Variants in SLX9 observed in about 807,000 individuals in gnomAD.
SLX9 encodes the protein SLX9 ribosome biogenesis factor, also known as ribosome biogenesis protein SLX9 homolog.
SLX9 carries 19 observed loss-of-function variants against 20.8 expected under a neutral mutation model. That is an observed-to-expected ratio of 0.91 (90% confidence interval 0.64 to 1.34). The LOEUF is 1.34. SLX9 is among the 40% of genes most tolerant of loss of function. The pLI is 0.00. For synonymous variants in SLX9, 113 were observed against 137.1 expected (o/e 0.82, Z 1.23); for missense variants, 299 against 322.2 (o/e 0.93, Z 0.55).
intron 3 of SLX9, among the ~76,000 whole-genome samples, chr21:44,964,739 C>G (rs566687017): frequency 6.6e-5 from 10 of 152,348 alleles, no homozygotes; most frequent in African/African-American, 2.4e-4. Context: ...TCCTCGAACA[C>G]TCGATATTAT....
chr21:44,949,074 C>T (rs993850174), intron 2 of SLX9, among the ~76,000 whole-genome samples: 2 of 152,204 alleles, frequency 1.3e-5, no homozygotes, highest in Admixed American at 1.3e-4. Flanking sequence ...CAGCCCCAAC[C>T]CCCCTTTGAG....
rs552475728 is a variant in SLX9 at position 44,973,392 on chromosome 21, A to T, written c.569+127A>T. 1.7e-3 allele frequency: 818 copies of T among 488,468 alleles called. 6 individuals carry two copies. Among genetic ancestry groups the T allele is most frequent in the African/African-American group, 8.7e-3 (240 of 27,464 alleles). 30.3% of individuals were successfully genotyped at this position (488,468 alleles called of 1,614,324 possible). A position where few individuals can be genotyped will look rare whatever the true frequency, so the allele number is the denominator to read the frequency against. ...ACCCTCTCCAGGGGTTCAGCTCCTG[A>T]GTGCCCTCACCCCGCCCACCCTCTC... On this transcript the variant is annotated intron_variant, in intron 5 of 5. Coordinates refer to ENST00000291634, the MANE Select transcript of SLX9 (RefSeq NM_058190.4).
chr21:44,969,375 G>A, intron 4 of SLX9: 2 of 380,968 alleles, frequency 5.2e-6, no homozygotes, highest in South Asian at 3.9e-5. Flanking sequence ...TCTGAAAAAT[G>A]TGCTTGGCGC....
At chr21:44,962,394 T>C (rs576450283) in intron 3 of SLX9, among the ~76,000 whole-genome samples, 35 of 152,346 alleles carry the variant, frequency 2.3e-4, no homozygotes, top group Non-Finnish European at 4.7e-4. Flanking sequence ...GAGCTTTTCT[T>C]GCCTTAGACT....
chr21:44,955,722 C>T (rs556277127), intron 2 of SLX9, among the ~76,000 whole-genome samples: 1 of 152,328 alleles, frequency 6.6e-6, no homozygotes, highest in African/African-American at 2.4e-5. Context: ...GCCCCTGCTG[C>T]TTCCCTGGGC....
rs550867925 is a variant in SLX9 at position 44,951,061 on chromosome 21, C to T, written c.283+7224C>T. Among the ~76,000 whole-genome samples, 5 of 152,196 alleles carry T rather than the reference C, an allele frequency of 3.3e-5. No homozygotes were observed. In the East Asian group the frequency reaches 7.7e-4, roughly 23 times the overall value. On this transcript the variant is annotated intron_variant, in intron 2 of 5. Coordinates refer to ENST00000291634, the MANE Select transcript of SLX9 (RefSeq NM_058190.4). ...GGCTAAGCCTTCATCGGATTAAAGT[C>T]GCCGGTTTGATTTAAAGGCCTTAAA...
chr21:44,955,207 C>CAG, intron 2 of SLX9, among the ~76,000 whole-genome samples: 1 of 138,760 alleles, frequency 7.2e-6, no homozygotes, highest in Admixed American at 7.1e-5. Context: ...GACTTTGTCT[C>CAG]AAAAAAAAAA....
chr21:44,960,432 C>T (rs1255210366), intron 3 of SLX9, among the ~76,000 whole-genome samples: 2 of 152,250 alleles, frequency 1.3e-5, no homozygotes, highest in Non-Finnish European at 2.9e-5. Flanking sequence ...TCCGTGTGGG[C>T]ACCTGCAGAG....
At chr21:44,940,800 C>T (rs11701457) in intron 1 of SLX9, among the ~76,000 whole-genome samples, 25,581 of 151,818 alleles carry the variant, frequency 0.17, 2,228 homozygotes, top group Admixed American at 0.23. Flanking sequence ...GTTACATTGG[C>T]AAGTCTTCAG....
chr21:44,969,758 T>C (rs2085109044), intron 4 of SLX9, among the ~76,000 whole-genome samples: 3 of 152,210 alleles, frequency 2.0e-5, no homozygotes, highest in Admixed American at 2.0e-4. Context: ...AATTAATAGT[T>C]AACTAAAGCC....
chr21:44,949,507 A>G (rs2084713672), intron 2 of SLX9, among the ~76,000 whole-genome samples: 1 of 151,708 alleles, frequency 6.6e-6, no homozygotes, highest in Non-Finnish European at 1.5e-5. Context: ...ACCCCCCAGA[A>G]CCCTCTGTGC....
chr21:44,950,949 G>A (rs867814810), intron 2 of SLX9, among the ~76,000 whole-genome samples: 1 of 152,186 alleles, frequency 6.6e-6, no homozygotes, highest in Non-Finnish European at 1.5e-5. Context: ...CTGCACCTGT[G>A]CCTGAGGATC....
intron 3 of SLX9, among the ~76,000 whole-genome samples, chr21:44,961,071 T>C (rs1039317455): frequency 6.6e-6 from 1 of 152,256 alleles, no homozygotes; most frequent in African/African-American, 2.4e-5. Context: ...CCTTTTTGGA[T>C]ATTTCTTAGG....
chr21:44,946,154 G>A (rs865910209), intron 2 of SLX9, among the ~76,000 whole-genome samples: 4 of 152,264 alleles, frequency 2.6e-5, no homozygotes, highest in African/African-American at 9.6e-5. Flanking sequence ...TGTTATCAGA[G>A]TAGAGCATAG....
intron 5 of SLX9, among the ~76,000 whole-genome samples, chr21:44,975,867 G>A (rs971162277): frequency 1.3e-5 from 2 of 152,250 alleles, no homozygotes; most frequent in African/African-American, 2.4e-5. Flanking sequence ...TGGGCACCCC[G>A]CCCAGGCGGT....
chr21:44,973,100 G>A (rs1324021574), intron 4 of SLX9, 97 bp from the exon 5 acceptor site: 23 of 1,386,276 alleles, frequency 1.7e-5, no homozygotes, highest in South Asian at 3.6e-5. Flanking sequence ...TGGCCACCAC[G>A]ACGTCTGCTC....
intron 5 of SLX9, among the ~76,000 whole-genome samples, chr21:44,976,232 T>C (rs1181671498): frequency 1.3e-5 from 2 of 152,244 alleles, no homozygotes; most frequent in Non-Finnish European, 2.9e-5. Context: ...GGCACCCATC[T>C]GGGGCTGCCG....
rs1331738003 is a variant in SLX9, at chr21:44,974,890, C to T, written c.569+1625C>T. 3.3e-5 allele frequency among the ~76,000 whole-genome samples: 5 copies of T among 152,254 alleles called. No individual in the cohort carries two copies. The East Asian group carries it at 9.6e-4, about 29-fold the overall frequency. ...CACAGCCTGGTCCGGGGAGCCCCTCCCTGCCTGGACAGGGCGACGGGTTTT... is the reference window on the plus strand; with the variant it reads ...CACAGCCTGGTCCGGGGAGCCCCTCTCTGCCTGGACAGGGCGACGGGTTTT... On this transcript the variant is annotated intron_variant, in intron 5 of 5. Transcript: ENST00000291634.
intron 4 of SLX9, among the ~76,000 whole-genome samples, chr21:44,971,357 C>A (rs1439365792): frequency 7.5e-6 from 1 of 132,652 alleles, no homozygotes; most frequent in Non-Finnish European, 1.6e-5. Flanking sequence ...AGCACTCTGT[C>A]CCCGGGGCCC....
Sources: allele counts gnomAD v4.1 joint callset (sites outside exome capture counted in the v4.1 genomes callset), GRCh38; gene constraint gnomAD v4.1.1; transcripts MANE v1.5; gene names NCBI Gene and HGNC (gene_info 2026-07-23, HGNC 2026-07-21).